Variants in MAK observed in about 807,000 individuals in gnomAD.
MAK encodes male germ cell associated kinase.
MAK carries 65 observed loss-of-function variants against 82.6 expected under a neutral mutation model. The ratio of observed to expected loss-of-function variants is 0.79; its 90% CI spans 0.64 to 0.97. The LOEUF (loss-of-function observed/expected upper bound fraction) is 0.97, where lower values mean the gene tolerates loss of function less well. Ranked by LOEUF, MAK falls within the 50% of genes least tolerant of loss-of-function variation. The pLI is 0.00. For missense variants in MAK, 703 were observed against 780.2 expected (o/e 0.90, Z 1.18); for synonymous variants, 250 against 274.2 (o/e 0.91, Z 0.87).
chr6:10,775,787 GT>G (rs1398716278), intron 11 of MAK, among the ~76,000 whole-genome samples: 1 of 151,734 alleles, frequency 6.6e-6, no homozygotes, highest in African/African-American at 2.4e-5. Flanking sequence ...CGTTTTTTTT[GT>G]TTTGTTTTGT....
chr6:10,810,762 T>G (rs1403751568), intron 5 of MAK, among the ~76,000 whole-genome samples: 4 of 152,216 alleles, frequency 2.6e-5, no homozygotes, highest in Non-Finnish European at 4.4e-5. Flanking sequence ...TTACTCTAAA[T>G]AGTAAGTAAC....
chr6:10,814,848 G>A (rs764983167), intron 4 of MAK, among the ~76,000 whole-genome samples: 8 of 151,804 alleles, frequency 5.3e-5, no homozygotes, highest in Admixed American at 3.9e-4. Flanking sequence ...GAGCAGCCTC[G>A]CCAACATGGT....
At chr6:10,779,206 G>T in intron 11 of MAK, 1 of 303,754 alleles carries the variant, frequency 3.3e-6, no homozygotes, top group Non-Finnish European at 4.8e-6. Context: ...ATCGATTCAT[G>T]CCCAGAGTCC....
intron 5 of MAK, among the ~76,000 whole-genome samples, chr6:10,811,010 A>T (rs181469133): frequency 5.9e-4 from 90 of 152,092 alleles, no homozygotes; most frequent in African/African-American, 2.0e-3. Flanking sequence ...TTATTTATTT[A>T]TTTTTTGAGA....
chr6:10,772,735 A>G (rs150935073), intron 13 of MAK, among the ~76,000 whole-genome samples: 3 of 152,190 alleles, frequency 2.0e-5, no homozygotes, highest in Admixed American at 6.5e-5. Flanking sequence ...CAAAATTAGA[A>G]AATACTCTTT....
rs931685472 is a variant in MAK, at chr6:10,791,825, T to C, written c.1166A>G (p.His389Arg). Reference protein sequence around the residue: ...MPTKPNGTLSHKSGRRRWGQT... With the variant: ...MPTKPNGTLSRKSGRRRWGQT... ...ACCCCAACGCCTCCTACCACTTTTATGACTCAGTGTGCCATTTGGCTTCTG... is the reference window on the plus strand; with the variant it reads ...ACCCCAACGCCTCCTACCACTTTTACGACTCAGTGTGCCATTTGGCTTCTG... Residue 389 changes from histidine (H) to arginine (R), a missense_variant, in exon 10 of 15, where the codon CAT (histidine) becomes CGT (arginine). His to Arg is a conservative substitution (Grantham distance 29, BLOSUM62 0). Coordinates refer to ENST00000354489, the MANE Select transcript of MAK (RefSeq NM_001242957.3). 8 of 1,614,182 alleles carry C rather than the reference T, an allele frequency of 5.0e-6. No individual in the cohort carries two copies. Among genetic ancestry groups the C allele is most frequent in the Non-Finnish European group, 6.8e-6 (8 of 1,180,028 alleles).
At chr6:10,787,503 C>A (rs927991332) in intron 10 of MAK, among the ~76,000 whole-genome samples, 1 of 152,078 alleles carries the variant, frequency 6.6e-6, no homozygotes, top group Non-Finnish European at 1.5e-5. Flanking sequence ...TAATGATGAT[C>A]ATAATAATAA....
At chr6:10,810,214 TC>T (rs1433986775) in intron 5 of MAK, among the ~76,000 whole-genome samples, 1 of 151,670 alleles carries the variant, frequency 6.6e-6, no homozygotes, top group Non-Finnish European at 1.5e-5. Context: ...CTAAGGGCAG[TC>T]TACAGCATTC....
intron 5 of MAK, 137 bp from the exon 6 acceptor site, chr6:10,809,079 A>G (rs1429025302): frequency 1.2e-6 from 1 of 836,962 alleles, no homozygotes; most frequent in Admixed American, 2.3e-5. Context: ...AGTAAACCAT[A>G]TTTATTGTCT....
At chr6:10,783,524 C>A (rs973050919) in intron 11 of MAK, among the ~76,000 whole-genome samples, 1 of 152,176 alleles carries the variant, frequency 6.6e-6, no homozygotes, top group Non-Finnish European at 1.5e-5. Context: ...TTCTTTCCAC[C>A]AATCTACCCA....
rs1203779518 is a variant in MAK at position 10,770,134 on chromosome 6, G to A, written c.1769C>T (p.Ala590Val). The A allele has an allele frequency of 6.2e-7, 1 of 1,614,180 alleles. No individual in the cohort carries two copies. The highest frequency in any genetic ancestry group is 1.3e-5 in the African/African-American group (1 of 75,052). The change falls in exon 14 of 15, where the codon GCA becomes GTA. Residue 590 changes from alanine to valine, a missense_variant. By Grantham distance (64) the Ala-to-Val change is moderately conservative (BLOSUM62 0). Transcript: ENST00000354489. The stretch of plus-strand genomic sequence containing the variant: ...ACCTGAAGCCGTTGCATTGAGAGGT[G>A]CTAAGTGGATCCTCTGGCCAGCTGA... ...VQSAGQRIHL[A>V]PLNATASEYT...
intron 4 of MAK, among the ~76,000 whole-genome samples, chr6:10,817,492 T>C (rs1160541225): frequency 1.3e-5 from 2 of 152,226 alleles, no homozygotes; most frequent in African/African-American, 4.8e-5. Context: ...TTCATTAACC[T>C]TCACAAGATG....
chr6:10,837,589 TAA>T (rs1227017590), intron 1 of MAK, among the ~76,000 whole-genome samples: 1 of 152,246 alleles, frequency 6.6e-6, no homozygotes, highest in Non-Finnish European at 1.5e-5. Context: ...TCTGAATAAA[TAA>T]AGTCAGATAA....
intron 6 of MAK, among the ~76,000 whole-genome samples, chr6:10,805,485 G>T (rs1329841120): frequency 4.6e-5 from 7 of 151,808 alleles, no homozygotes; most frequent in Admixed American, 1.3e-4. Context: ...TACTCGAGAG[G>T]CTGAGGCAGG....
rs1778761831 is a variant in MAK at position 10,830,828 on chromosome 6, A to G, written c.-180T>C. On this transcript the variant is annotated 5_prime_UTR_variant, in exon 2 of 15. Coordinates refer to ENST00000354489, the MANE Select transcript of MAK (RefSeq NM_001242957.3). ...AAGATTACAGAGGTTCATGAGATAT[A>G]GCATGAAGGAATCGGGCAAGGAAAC... 9.3e-6 allele frequency: 6 copies of G among 646,576 alleles called. No individual in the cohort carries two copies. Among genetic ancestry groups the G allele is most frequent in the Non-Finnish European group, 1.4e-5 (5 of 353,108 alleles). The allele number at this position is 646,576 out of a possible 1,614,324, so 40.1% of individuals were successfully genotyped here. A position where few individuals can be genotyped will look rare whatever the true frequency, so the allele number is the denominator to read the frequency against.
chr6:10,829,702 G>C (rs1196731735), intron 2 of MAK, among the ~76,000 whole-genome samples: 1 of 152,180 alleles, frequency 6.6e-6, no homozygotes, highest in East Asian at 1.9e-4. Flanking sequence ...CAGTGTAGCT[G>C]GACAAGCCAG....
chr6:10,791,949 G>A, intron 9 of MAK, 102 bp from the exon 10 acceptor site: 1 of 1,302,374 alleles, frequency 7.7e-7, no homozygotes, highest in Non-Finnish European at 1.1e-6. Flanking sequence ...CCATTCTCAA[G>A]GAGCGTTCCA....
chr6:10,833,141 T>C (rs183041815), intron 1 of MAK, among the ~76,000 whole-genome samples: 6 of 152,322 alleles, frequency 3.9e-5, no homozygotes, highest in Admixed American at 2.6e-4. Flanking sequence ...GGGCACGTTA[T>C]AGTTGTCAAA....
chr6:10,768,818 A>G (rs907492548), intron 14 of MAK, among the ~76,000 whole-genome samples: 2 of 152,244 alleles, frequency 1.3e-5, no homozygotes, highest in South Asian at 2.1e-4. Context: ...TTTAGCTCCA[A>G]TAGTGTGAAC....
Sources: gnomAD v4.1 joint callset for allele counts (sites outside exome capture counted in the v4.1 genomes callset) on GRCh38, gnomAD v4.1.1 for gene constraint, MANE v1.5 for transcripts, NCBI Gene and HGNC (gene_info 2026-07-23, HGNC 2026-07-21) for gene names.